Variants in PDGFRA observed in about 807,000 individuals in gnomAD.
PDGFRA encodes the protein platelet derived growth factor receptor alpha.
A neutral mutation model predicts 121.5 loss-of-function variants in PDGFRA; 25 were observed. The ratio of observed to expected loss-of-function variants is 0.21; its 90% CI spans 0.15 to 0.29. The LOEUF (loss-of-function observed/expected upper bound fraction) is 0.29, where lower values mean the gene tolerates loss of function less well. Among genes scored for constraint, PDGFRA ranks in the 10% least tolerant of loss-of-function variants. The pLI, the probability that PDGFRA is intolerant of heterozygous loss-of-function variation, is 1.00. For missense variants in PDGFRA, 1,008 were observed against 1,345.1 expected (o/e 0.75, Z 3.92); for synonymous variants, 463 against 494.8 (o/e 0.94, Z 0.85).
rs556264737 is a variant in PDGFRA at position 54,248,651 on chromosome 4, G to A, written c.-12-10106G>A. On this transcript the variant is annotated intron_variant, in intron 1 of 22. Coordinates refer to ENST00000257290, the MANE Select transcript of PDGFRA (RefSeq NM_006206.6). ...TAGGCATTACCATTCAGGACATAGGGCATGGGCAAGGACTTCATGTCTAAA... is the reference window on the plus strand; with the variant it reads ...TAGGCATTACCATTCAGGACATAGGACATGGGCAAGGACTTCATGTCTAAA... Among the ~76,000 whole-genome samples the A allele has an allele frequency of 7.1e-4, 108 of 152,244 alleles. 1 individual carries two copies. The highest frequency in any genetic ancestry group is 2.5e-3 in the African/African-American group (104 of 41,538).
rs962273857 is a variant in PDGFRA, at chr4:54,274,527, G to C, written c.1559-4G>C. On this transcript the variant is annotated splice_polypyrimidine_tract_variant and splice_region_variant and intron_variant, in intron 10 of 22. Transcript: ENST00000257290. ...TCATTGTGCCTCTCTCTCTTGTCAC[G>C]TAGCCCTGCGTTCTGAACTCACGGT... is the stretch of plus-strand genomic sequence containing the variant. 1 of 1,609,334 alleles carries C rather than the reference G, an allele frequency of 6.2e-7. No individual in the cohort carries two copies. Among genetic ancestry groups the C allele is most frequent in the Non-Finnish European group, 8.5e-7 (1 of 1,176,054 alleles).
chr4:54,247,805 T>C (rs1227941519), intron 1 of PDGFRA, among the ~76,000 whole-genome samples: 1 of 152,198 alleles, frequency 6.6e-6, no homozygotes, highest in African/African-American at 2.4e-5. Context: ...GATGACATGA[T>C]TGTATATCTA....
chr4:54,281,595 G>A, intron 16 of PDGFRA: 2 of 1,352,406 alleles, frequency 1.5e-6, no homozygotes, highest in Non-Finnish European at 9.7e-7. Flanking sequence ...GGCTGGTGGA[G>A]TTGGCACGAG....
intron 1 of PDGFRA, among the ~76,000 whole-genome samples, chr4:54,257,034 C>T (rs1722410464): frequency 6.6e-6 from 1 of 151,964 alleles, no homozygotes; most frequent in African/African-American, 2.4e-5. Flanking sequence ...GTTTCATAAA[C>T]AAATTAAAAA....
In PDGFRA at chr4:54,297,711, CAA is replaced by C. The variant is rs1160563602; in HGVS notation, c.*2441_*2442del. On this transcript the variant is annotated 3_prime_UTR_variant, in exon 23 of 23. Coordinates refer to ENST00000257290, the MANE Select transcript of PDGFRA (RefSeq NM_006206.6). ...AGATTTGTTTCCTTTTGGCCTCCTG[CAA>C]AGTCTCCAGAAGAAAATTTGCCAAT... 3 of 233,518 alleles carry C rather than the reference CAA, an allele frequency of 1.3e-5. No homozygotes were observed. Among genetic ancestry groups the C allele is most frequent in the African/African-American group, 4.4e-5 (2 of 45,318 alleles). The allele number at this position is 233,518 out of a possible 1,614,324, so 14.5% of individuals were successfully genotyped here. A position where few individuals can be genotyped will look rare whatever the true frequency, so the allele number is the denominator to read the frequency against.
chr4:54,260,148 G>A (rs1167948112), intron 2 of PDGFRA, among the ~76,000 whole-genome samples: 1 of 152,100 alleles, frequency 6.6e-6, no homozygotes, highest in Non-Finnish European at 1.5e-5. Flanking sequence ...TACCAATTGT[G>A]AATTAAAATC....
chr4:54,295,091 A>G, intron 22 of PDGFRA, 34 bp from the exon 23 acceptor site: 1 of 1,604,736 alleles, frequency 6.2e-7, no homozygotes, highest in Non-Finnish European at 8.5e-7. Context: ...TCTGTGCAGG[A>G]GTTGTAATAT....
At chr4:54,245,036 C>G (rs866776108) in intron 1 of PDGFRA, among the ~76,000 whole-genome samples, 1 of 152,160 alleles carries the variant, frequency 6.6e-6, no homozygotes, top group South Asian at 2.1e-4. Flanking sequence ...TAAAAAGAAA[C>G]GAACAAAGCC....
intron 13 of PDGFRA, 144 bp downstream of exon 13, chr4:54,277,636 A>T (rs1214282777): frequency 1.1e-5 from 8 of 724,276 alleles, no homozygotes; most frequent in Non-Finnish European, 2.0e-5. Context: ...TTTTATGTGT[A>T]TTTAGATTAG....
chr4:54,237,800 A>T (rs909918879), intron 1 of PDGFRA, among the ~76,000 whole-genome samples: 1 of 152,074 alleles, frequency 6.6e-6, no homozygotes, highest in African/African-American at 2.4e-5. Flanking sequence ...TGGAAGGAGG[A>T]GGTATAATTT....
chr4:54,252,769 A>G (rs1332668801), intron 1 of PDGFRA, among the ~76,000 whole-genome samples: 4 of 151,816 alleles, frequency 2.6e-5, no homozygotes, highest in African/African-American at 9.7e-5. Context: ...TGGTTCTGCA[A>G]TGGGATGCAC....
chr4:54,256,458 G>A (rs545901299), intron 1 of PDGFRA, among the ~76,000 whole-genome samples: 6 of 151,696 alleles, frequency 4.0e-5, no homozygotes, highest in African/African-American at 7.2e-5. Context: ...GGCTGGTCTC[G>A]AACTCCTGAC....
chr4:54,238,777 A>C (rs973344519), intron 1 of PDGFRA, among the ~76,000 whole-genome samples: 7 of 152,126 alleles, frequency 4.6e-5, no homozygotes, highest in Admixed American at 4.6e-4. Flanking sequence ...ATGAGCCTGG[A>C]CAACATAGTG....
chr4:54,241,695 A>G (rs1003970323), intron 1 of PDGFRA, among the ~76,000 whole-genome samples: 15 of 151,988 alleles, frequency 9.9e-5, no homozygotes, highest in Non-Finnish European at 1.8e-4. Context: ...GATTACAGGC[A>G]TGCACCACCA....
rs781449082 is a variant in PDGFRA, at chr4:54,274,933, T to C, written c.1746T>C (p.Tyr582=). ...ATGTGGACCCGATGCAGCTGCCTTA[T>C]GACTCAAGATGGGAGTTTCCAAGAG... ...YIYVDPMQLP[Y]DSRWEFPRDG... Residue 582 remains tyrosine, a synonymous_variant, in exon 12 of 23, where the codon TAT becomes TAC. Transcript: ENST00000257290. The C allele has an allele frequency of 1.9e-6, 3 of 1,614,058 alleles. No homozygotes were observed. The highest frequency in any genetic ancestry group is 1.7e-5 in the Admixed American group (1 of 60,012).
chr4:54,278,625 C>A (rs1577732458), intron 15 of PDGFRA, 110 bp downstream of exon 15: 2 of 1,080,366 alleles, frequency 1.9e-6, no homozygotes, highest in South Asian at 1.3e-5. Flanking sequence ...CCCAAGGTAG[C>A]AAGACTTAGA....
intron 1 of PDGFRA, among the ~76,000 whole-genome samples, chr4:54,240,853 A>G (rs958295093): frequency 6.6e-6 from 1 of 152,242 alleles, no homozygotes; most frequent in Non-Finnish European, 1.5e-5. Flanking sequence ...CTTTTATAAA[A>G]TAGTGCGTTT....
chr4:54,259,545 T>C (rs1158801645), intron 2 of PDGFRA, among the ~76,000 whole-genome samples: 1 of 152,232 alleles, frequency 6.6e-6, no homozygotes, highest in African/African-American at 2.4e-5. Context: ...TGTATTGGAC[T>C]GTCTTAGTTT....
At chr4:54,287,331 C>A (rs1724409145) in intron 18 of PDGFRA, 99 bp from the exon 19 acceptor site, 1 of 769,266 alleles carries the variant, frequency 1.3e-6, no homozygotes, top group African/African-American at 1.7e-5. Flanking sequence ...ATAATTAGCA[C>A]AAGTTATTAA....
Sources: allele counts gnomAD v4.1 joint callset (sites outside exome capture counted in the v4.1 genomes callset), GRCh38; gene constraint gnomAD v4.1.1; transcripts MANE v1.5; gene names NCBI Gene and HGNC (gene_info 2026-07-23, HGNC 2026-07-21).